Variants in RBM19 observed in about 807,000 individuals in gnomAD.
RBM19 encodes RNA binding motif protein 19, also known as probable RNA-binding protein 19.
RBM19 carries 94 observed loss-of-function variants against 116.8 expected under a neutral mutation model. The ratio of observed to expected loss-of-function variants is 0.80; its 90% confidence interval spans 0.68 to 0.95. The LOEUF is 0.95. Ranked by LOEUF, RBM19 falls within the 40% of genes least tolerant of loss-of-function variation. The pLI is 0.00. For synonymous variants in RBM19, 475 were observed against 494.1 expected, an observed-to-expected ratio of 0.96 and a Z score of 0.51; for missense variants, 1,161 against 1,220.7, an observed-to-expected ratio of 0.95 and a Z score of 0.73.
At chr12:113,887,634 C>CAAAAA (rs35665613) in intron 21 of RBM19, among the ~76,000 whole-genome samples, 1 of 71,166 alleles carries the variant, frequency 1.4e-5, no homozygotes, top group African/African-American at 6.0e-5. Context: ...GACTCCATCT[C>CAAAAA]AAAAAAAAAA....
At position 113,823,183 on chromosome 12, in the gene RBM19, G is replaced by T; in HGVS notation, c.*41C>A. On this transcript the variant is annotated 3_prime_UTR_variant, in exon 24 of 24. Coordinates refer to ENST00000261741, the MANE Select transcript of RBM19 (RefSeq NM_016196.4). ...TGCAGAAGCTGGAGCGGCTGTCCCG[G>T]TCCCCAGGGCCCCGGAGCCACACAC... 1 of 1,578,274 alleles carries T rather than the reference G, an allele frequency of 6.3e-7. No homozygotes were observed. Among genetic ancestry groups the T allele is most frequent in the Non-Finnish European group, 8.6e-7 (1 of 1,160,210 alleles).
chr12:113,862,731 C>G (rs767706738), intron 21 of RBM19, among the ~76,000 whole-genome samples: 2 of 152,016 alleles, frequency 1.3e-5, no homozygotes, highest in East Asian at 3.9e-4. Flanking sequence ...CTCTGCCGCT[C>G]GGGGGGAAGG....
intron 21 of RBM19, among the ~76,000 whole-genome samples, chr12:113,880,036 T>C (rs1879992216): frequency 6.6e-6 from 1 of 151,054 alleles, no homozygotes; most frequent in African/African-American, 2.4e-5. Flanking sequence ...TCTGACTGTC[T>C]CCCCAAAGCC....
intron 18 of RBM19, among the ~76,000 whole-genome samples, chr12:113,922,861 C>T (rs541846398): frequency 1.3e-3 from 202 of 152,296 alleles, no homozygotes; most frequent in Middle Eastern, 0.01. Flanking sequence ...AGGCCAGGCG[C>T]GGAAGCTCAC....
At chr12:113,940,507 G>A (rs1363811379) in intron 14 of RBM19, among the ~76,000 whole-genome samples, 1 of 152,178 alleles carries the variant, frequency 6.6e-6, no homozygotes, top group Non-Finnish European at 1.5e-5. Context: ...ACTACAGACC[G>A]CCCACCTGCT....
Position 113,823,385 on chromosome 12 carries a change from A to G in RBM19, c.2786-64T>C, listed in dbSNP as rs988169978. On this transcript the variant is annotated intron_variant, in intron 23 of 23. Coordinates refer to ENST00000261741, the MANE Select transcript of RBM19 (RefSeq NM_016196.4). Reference sequence around the variant, plus strand: ...GCCGAGAGGGTTGGGAGGCAGGAAGAGAGAAATGACAGAGGAAGGAGGGAG... The same window carrying G: ...GCCGAGAGGGTTGGGAGGCAGGAAGGGAGAAATGACAGAGGAAGGAGGGAG... 8.3e-6 allele frequency: 12 copies of G among 1,441,618 alleles called. No individual in the cohort carries two copies. The African/African-American group carries it at 1.7e-4, about 20-fold the overall frequency. 89.3% of individuals were successfully genotyped at this position (1,441,618 alleles called of 1,614,324 possible).
At chr12:113,949,189 G>A (rs567177206) in intron 9 of RBM19, among the ~76,000 whole-genome samples, 153 bp from the exon 10 acceptor site, 12 of 152,256 alleles carry the variant, frequency 7.9e-5, no homozygotes, top group Admixed American at 4.6e-4. Context: ...CACCTGAGGC[G>A]GCAGCATAAG....
At chr12:113,843,547 G>A (rs1007462725) in intron 23 of RBM19, among the ~76,000 whole-genome samples, 3 of 152,202 alleles carry the variant, frequency 2.0e-5, no homozygotes, top group South Asian at 2.1e-4. Flanking sequence ...GTGAACCATC[G>A]CCAAGTAAGC....
At chr12:113,925,993 G>A (rs1263836524) in intron 17 of RBM19, among the ~76,000 whole-genome samples, 3 of 152,226 alleles carry the variant, frequency 2.0e-5, no homozygotes, top group Non-Finnish European at 1.5e-5. Context: ...AAGTCTAAGG[G>A]TGGGTTTCCA....
chr12:113,879,184 C>A (rs981255086), intron 21 of RBM19, among the ~76,000 whole-genome samples: 81 of 152,180 alleles, frequency 5.3e-4, no homozygotes, highest in African/African-American at 1.9e-3. Context: ...TCTGTGGGGT[C>A]CACCAGGGCA....
At position 113,949,016 on chromosome 12, in the gene RBM19, A is replaced by G. The variant is rs1476466319; in HGVS notation, c.1093T>C (p.Phe365Leu). The G allele has an allele frequency of 6.2e-7, 1 of 1,613,748 alleles. No homozygotes were observed. The highest frequency in any genetic ancestry group is 8.5e-7 in the Non-Finnish European group (1 of 1,179,892). Residue 365 changes from phenylalanine (F) to leucine (L), a missense_variant, in exon 10 of 24, where the codon TTC (phenylalanine) becomes CTC (leucine). By Grantham distance (22) the Phe-to-Leu change is conservative. Coordinates refer to ENST00000261741, the MANE Select transcript of RBM19 (RefSeq NM_016196.4). ...GTGGTGGGGACGTTCTTTTCCCTGA[A>G]CACCTCGATGTAGCGCCCACCTGCA... ...EYMGGRYIEV[F>L]REKNVPTTKG...
chr12:113,940,360 G>A (rs76806115), intron 14 of RBM19, among the ~76,000 whole-genome samples, 200 bp from the exon 15 acceptor site: 7 of 151,970 alleles, frequency 4.6e-5, no homozygotes, highest in African/African-American at 1.7e-4. Context: ...CTCTGCAGAG[G>A]GGGTAAGGCC....
At chr12:113,919,302 T>C (rs1882966737) in intron 19 of RBM19, among the ~76,000 whole-genome samples, 1 of 152,244 alleles carries the variant, frequency 6.6e-6, no homozygotes, top group Non-Finnish European at 1.5e-5. Flanking sequence ...CTGAGCATGG[T>C]GGCTCACGCC....
At position 113,823,821 on chromosome 12, in the gene RBM19, C is replaced by T. The variant is rs114684727; in HGVS notation, c.2786-500G>A. Among the ~76,000 whole-genome samples the T allele has an allele frequency of 5.6e-3, 857 of 152,194 alleles. 13 individuals are homozygous for T. The highest frequency in any genetic ancestry group is 0.02 in the African/African-American group (813 of 41,520). ...AGAGGCTGGACCAAGCAGTGGACAA[C>T]GGCTGGGGAGACAAGTAGAAGTTGT... is the stretch of plus-strand genomic sequence containing the variant. On this transcript the variant is annotated intron_variant, in intron 23 of 23. Transcript: ENST00000261741.
intron 21 of RBM19, among the ~76,000 whole-genome samples, chr12:113,865,765 A>C (rs1878751306): frequency 6.6e-6 from 1 of 151,716 alleles, no homozygotes; most frequent in Non-Finnish European, 1.5e-5. Flanking sequence ...GGTCCTCAAG[A>C]ATCAACACTC....
chr12:113,917,665 A>G (rs766449939), intron 20 of RBM19, among the ~76,000 whole-genome samples: 1 of 152,224 alleles, frequency 6.6e-6, no homozygotes, highest in African/African-American at 2.4e-5. Context: ...AAAACTACCA[A>G]ATAAATATCT....
chr12:113,932,478 CCTT>C (rs1325495070), intron 16 of RBM19: 1 of 152,232 alleles, frequency 6.6e-6, no homozygotes. Context: ...CCCTCCCTCT[CCTT>C]CTCCCTGCAG....
intron 20 of RBM19, among the ~76,000 whole-genome samples, chr12:113,915,880 C>T (rs1020495589): frequency 6.6e-6 from 1 of 152,196 alleles, no homozygotes; most frequent in Non-Finnish European, 1.5e-5. Context: ...TTAGGACTTA[C>T]CTCCTTCAGG....
chr12:113,936,686 T>A (rs1355905820), intron 16 of RBM19, among the ~76,000 whole-genome samples: 2 of 152,202 alleles, frequency 1.3e-5, no homozygotes, highest in African/African-American at 4.8e-5. Flanking sequence ...CCAGCCACCC[T>A]CCTCCATGAG....
Sources: allele counts gnomAD v4.1 joint callset (sites outside exome capture counted in the v4.1 genomes callset), GRCh38; gene constraint gnomAD v4.1.1; transcripts MANE v1.5; gene names NCBI Gene and HGNC (gene_info 2026-07-23, HGNC 2026-07-21).